The following CCDC85C variants were observed in gnomAD, a reference collection of about 807,000 sequenced individuals.
CCDC85C encodes coiled-coil domain-containing protein 85C.
In CCDC85C, 18 loss-of-function variants were observed where a neutral mutation model predicts 38.3. The ratio of observed to expected loss-of-function variants is 0.47; its 90% confidence interval spans 0.33 to 0.70. The LOEUF (loss-of-function observed/expected upper bound fraction) is 0.70. Ranked by LOEUF, CCDC85C falls within the 30% of genes least tolerant of loss-of-function variation. The pLI is 0.03. For missense variants in CCDC85C, 566 were observed against 621.2 expected, an observed-to-expected ratio of 0.91 and a Z score of 0.94; for synonymous variants, 264 against 293.8, an observed-to-expected ratio of 0.90 and a Z score of 1.04.
chr14:99,601,886 CT>C (rs2139998285), intron 1 of CCDC85C, among the ~76,000 whole-genome samples: 1 of 152,294 alleles, frequency 6.6e-6, no homozygotes, highest in South Asian at 2.1e-4. Context: ...TGCACTGCCC[CT>C]GCCCCACCTC....
At chr14:99,560,147 G>A (rs1898089546) in intron 1 of CCDC85C, among the ~76,000 whole-genome samples, 1 of 152,180 alleles carries the variant, frequency 6.6e-6, no homozygotes, top group Non-Finnish European at 1.5e-5. Context: ...AAGGGACCCA[G>A]GACCTTTCAG....
intron 1 of CCDC85C, among the ~76,000 whole-genome samples, chr14:99,538,925 T>C (rs1024116437): frequency 1.3e-5 from 2 of 152,084 alleles, no homozygotes; most frequent in African/African-American, 4.8e-5. Context: ...ACCCACAGGC[T>C]ACCATCCCCC....
At chr14:99,519,099 C>CTTTTTTTTTTTTTT (rs59524541) in intron 3 of CCDC85C, among the ~76,000 whole-genome samples, 4 of 52,218 alleles carry the variant, frequency 7.7e-5, no homozygotes, top group South Asian at 9.3e-4. Context: ...TCATACATGC[C>CTTTTTTTTTTTTTT]TTTTTTTTTT....
intron 2 of CCDC85C, among the ~76,000 whole-genome samples, chr14:99,532,353 G>A (rs565842331): frequency 5.3e-5 from 8 of 152,318 alleles, no homozygotes; most frequent in African/African-American, 1.4e-4. Context: ...GCCCTGCCAC[G>A]AGCTCTCTTC....
intron 1 of CCDC85C, among the ~76,000 whole-genome samples, chr14:99,573,850 C>T (rs1442635725): frequency 6.6e-6 from 1 of 152,170 alleles, no homozygotes; most frequent in Non-Finnish European, 1.5e-5. Context: ...GAGCCCATAG[C>T]CTCACTCTTC....
At chr14:99,580,177 G>C (rs1010728269) in intron 1 of CCDC85C, 5 of 453,034 alleles carry the variant, frequency 1.1e-5, no homozygotes, top group African/African-American at 1.0e-4. Context: ...AGAGGAAGGA[G>C]AGGCTGGGTG....
At chr14:99,557,352 G>T (rs1898032378) in intron 1 of CCDC85C, among the ~76,000 whole-genome samples, 2 of 152,212 alleles carry the variant, frequency 1.3e-5, no homozygotes, top group African/African-American at 4.8e-5. Context: ...TGGAGGAAGA[G>T]ACAAGAGCTG....
In CCDC85C at chr14:99,517,193, G is replaced by A. The variant is rs1300116351; in HGVS notation, c.976-10C>T. The A allele has an allele frequency of 3.3e-6, 5 of 1,532,306 alleles. No homozygotes were observed. The East Asian group carries it at 9.8e-5, about 30-fold the overall frequency. The allele number at this position is 1,532,306 out of a possible 1,614,324, so 94.9% of individuals were successfully genotyped here. A position where few individuals can be genotyped will look rare whatever the true frequency, so the allele number is the denominator to read the frequency against. On this transcript the variant is annotated splice_polypyrimidine_tract_variant and intron_variant, in intron 3 of 5. Coordinates refer to ENST00000380243, the MANE Select transcript of CCDC85C (RefSeq NM_001144995.2). ...CGGGGCAGGCCGGGCCCTGGGGAAG[G>A]CAATCACACATCTCAGCTCACCCTG...
In CCDC85C at chr14:99,505,524, C is replaced by G. The variant is rs1896952375; in HGVS notation, c.*9722G>C. The stretch of plus-strand genomic sequence containing the variant: ...GGGTTAAATAAATTTTATCCTTTTT[C>G]CTTTTATTTCCAGAGTCTTGCTCTG... On this transcript the variant is annotated 3_prime_UTR_variant, in exon 6 of 6. Coordinates refer to ENST00000380243, the MANE Select transcript of CCDC85C (RefSeq NM_001144995.2). 6.6e-6 allele frequency: 1 copy of G among 152,014 alleles called. No homozygotes were observed. Among genetic ancestry groups the G allele is most frequent in the South Asian group, 2.1e-4 (1 of 4,824 alleles). 9.4% of individuals were successfully genotyped at this position (152,014 alleles called of 1,614,324 possible). A position where few individuals can be genotyped will look rare whatever the true frequency, so the allele number is the denominator to read the frequency against.
In CCDC85C at chr14:99,513,747, GGAC is replaced by G. The variant is rs771323642; in HGVS notation, c.*1496_*1498del. On this transcript the variant is annotated 3_prime_UTR_variant, in exon 6 of 6. Transcript: ENST00000380243. ...CTGGAAGAGCACAGGAGTCTGACGA[GGAC>G]CTGGTGAGGTCCTGGACCCAAGAGC... 1 of 152,286 alleles carries G rather than the reference GGAC, an allele frequency of 6.6e-6. No homozygotes were observed. Among genetic ancestry groups the G allele is most frequent in the Non-Finnish European group, 1.5e-5 (1 of 68,116 alleles). 9.4% of individuals were successfully genotyped at this position (152,286 alleles called of 1,614,324 possible).
rs1283181748 is a variant in CCDC85C, at chr14:99,544,819, C to T, written c.794-8731G>A. 6.6e-6 allele frequency among the ~76,000 whole-genome samples: 1 copy of T among 152,160 alleles called. No individual in the cohort carries two copies. The highest frequency in any genetic ancestry group is 1.9e-4 in the East Asian group (1 of 5,192). ...CAAAGACCCCACAGCCTCTGAGCCTCGCCAGGTCACACATGGCCTGCAGGC... is the reference window on the plus strand; with the variant it reads ...CAAAGACCCCACAGCCTCTGAGCCTTGCCAGGTCACACATGGCCTGCAGGC... On this transcript the variant is annotated intron_variant, in intron 1 of 5. Transcript: ENST00000380243. This position sits in a 1 kb window ranked among gnomAD's most constrained non-coding sequence, Gnocchi z 5.3.
intron 1 of CCDC85C, among the ~76,000 whole-genome samples, chr14:99,578,930 C>G (rs1034684484): frequency 1.3e-5 from 2 of 152,194 alleles, no homozygotes; most frequent in Admixed American, 6.5e-5. Flanking sequence ...TGTTGACACA[C>G]TCCCTGCCCC....
intron 1 of CCDC85C, among the ~76,000 whole-genome samples, chr14:99,561,267 G>T (rs1052397629): frequency 1.3e-5 from 2 of 152,334 alleles, no homozygotes; most frequent in East Asian, 1.9e-4. Context: ...GGTCAGGCAG[G>T]GAGACCCAGT....
In CCDC85C at chr14:99,603,417, G is replaced by A; in HGVS notation, c.543C>T (p.Asp181=). 1.6e-6 allele frequency: 2 copies of A among 1,270,676 alleles called. No individual in the cohort carries two copies. Among genetic ancestry groups the A allele is most frequent in the East Asian group, 6.7e-5 (2 of 29,818 alleles). 78.7% of individuals were successfully genotyped at this position (1,270,676 alleles called of 1,614,324 possible). ...GGGAGSRSSI[D]SQASLSGPLS... is the part of the protein sequence containing the mutation. The stretch of plus-strand genomic sequence containing the variant: ...GCGGCCCGCTCAGGCTGGCCTGGCT[G>A]TCGATGGAGCTGCGGGAGCCGGCGC... Residue 181 remains aspartate, a synonymous_variant, in exon 1 of 6, where the codon GAC becomes GAT. Transcript: ENST00000380243. The surrounding 1 kb of genome is among the most constrained non-coding windows in gnomAD (Gnocchi z 7.5).
At chr14:99,589,425 G>A (rs186219867) in intron 1 of CCDC85C, among the ~76,000 whole-genome samples, 5 of 152,076 alleles carry the variant, frequency 3.3e-5, no homozygotes, top group East Asian at 1.9e-4. Context: ...TCCCGACCAC[G>A]AACGTGCATT....
At chr14:99,547,728 C>G (rs967454538) in intron 1 of CCDC85C, among the ~76,000 whole-genome samples, 2 of 151,234 alleles carry the variant, frequency 1.3e-5, no homozygotes, top group Non-Finnish European at 2.9e-5. Flanking sequence ...AAGCCAAGAT[C>G]GCGCCACTGC....
At chr14:99,532,779 CTTCTTT>C (rs1365611773) in intron 2 of CCDC85C, among the ~76,000 whole-genome samples, 1 of 120,600 alleles carries the variant, frequency 8.3e-6, no homozygotes, top group Non-Finnish European at 1.8e-5. Flanking sequence ...TCTTCTTCTT[CTTCTTT>C]TTTTTTTTTT....
chr14:99,564,751 T>C (rs1251885385), intron 1 of CCDC85C, among the ~76,000 whole-genome samples: 2 of 152,146 alleles, frequency 1.3e-5, no homozygotes, highest in Non-Finnish European at 2.9e-5. Context: ...AGGAACAACA[T>C]CCAGCCTTTT....
rs554258238 is a variant in CCDC85C, at chr14:99,503,083, G to A, written c.*12163C>T. The A allele has an allele frequency of 6.0e-6, 8 of 1,337,996 alleles. No individual in the cohort carries two copies. Among genetic ancestry groups the A allele is most frequent in the Non-Finnish European group, 8.6e-6 (8 of 931,516 alleles). The allele number at this position is 1,337,996 out of a possible 1,614,324, so 82.9% of individuals were successfully genotyped here. A position where few individuals can be genotyped will look rare whatever the true frequency, so the allele number is the denominator to read the frequency against. On this transcript the variant is annotated 3_prime_UTR_variant, in exon 6 of 6. Transcript: ENST00000380243. ...TTCTAAGCGAGCACAGGGAACACCG[G>A]AAGCAGGGGGTGTTCGCCGAAACTC...
Sources: gnomAD v4.1 joint callset for allele counts (sites outside exome capture counted in the v4.1 genomes callset) on GRCh38, gnomAD v4.1.1 for gene constraint, Gnocchi (gnomAD v3.1) non-coding constraint, MANE v1.5 for transcripts, NCBI Gene and HGNC (gene_info 2026-07-23, HGNC 2026-07-21) for gene names.